The following NMRK1 variants were observed in gnomAD, a reference collection of about 807,000 sequenced individuals.
NMRK1 encodes the protein NRK 1.
Under a neutral mutation model 29.9 loss-of-function variants are expected in NMRK1, and 28 were observed. The observed-to-expected ratio is 0.94, with a 90% CI of 0.69 to 1.28. The LOEUF is 1.28. Ranked by LOEUF, NMRK1 falls within the 50% of genes most tolerant of loss-of-function variation. The pLI is 0.00. For missense variants in NMRK1, 218 were observed against 233.1 expected (o/e 0.94, Z 0.42); for synonymous variants, 58 against 73.0 (o/e 0.79, Z 1.05).
chr9:75,074,390 T>A lies in NMRK1; in HGVS notation c.169+2769A>T, dbSNP rs140588548. Among the ~76,000 whole-genome samples the A allele has an allele frequency of 3.9e-3, 594 of 151,944 alleles. 2 individuals carry two copies. The highest frequency in any genetic ancestry group is 6.8e-3 in the Middle Eastern group (2 of 294). ...TTCTATTTTTCCACCATCTTTTGATTTATTTATTTATTTTTTTGAGACAGT... is the reference window on the plus strand; with the variant it reads ...TTCTATTTTTCCACCATCTTTTGATATATTTATTTATTTTTTTGAGACAGT... On this transcript the variant is annotated intron_variant, in intron 4 of 8. Transcript: ENST00000361092.
intron 7 of NMRK1, chr9:75,067,188 C>T (rs951757339): frequency 5.2e-6 from 1 of 191,288 alleles, no homozygotes; most frequent in African/African-American, 2.4e-5. Context: ...CCAAAAGGGT[C>T]ACTTAAGGAG....
chr9:75,079,964 C>T (rs12115846), intron 2 of NMRK1, among the ~76,000 whole-genome samples: 3,502 of 152,264 alleles, frequency 0.023, 146 homozygotes, highest in African/African-American at 0.079. Flanking sequence ...CTTGGTGCCA[C>T]TCCCTTCTTT....
Position 75,083,101 on chromosome 9 carries a change from G to A in NMRK1, c.15C>T (p.Ile5=), listed in dbSNP as rs538581583. Residue 5 remains isoleucine, a synonymous_variant, in exon 2 of 9, where the codon ATC becomes ATT. Transcript: ENST00000361092. The part of the protein sequence containing the change: MKTF[I]IGISGVTNSG... ...AAATTACTCACCCACTGATTCCAAT[G>A]ATAAATGTTTTCATAATTAGCTTTG... 8.1e-6 allele frequency: 13 copies of A among 1,598,396 alleles called. No homozygotes were observed. The South Asian group carries it at 1.3e-4, about 16-fold the overall frequency.
intron 7 of NMRK1, among the ~76,000 whole-genome samples, chr9:75,068,065 T>G (rs1159037010): frequency 6.6e-6 from 1 of 152,170 alleles, no homozygotes; most frequent in East Asian, 1.9e-4. Flanking sequence ...GAGACATGCA[T>G]TCCTCCCTTA....
At chr9:75,063,880 T>C (rs758591869) in intron 8 of NMRK1, among the ~76,000 whole-genome samples, 6 of 152,326 alleles carry the variant, frequency 3.9e-5, no homozygotes, top group Admixed American at 2.0e-4. Flanking sequence ...AAACAGTAAC[T>C]TATTTATGTA....
At chr9:75,066,495 C>T (rs1265906544) in intron 8 of NMRK1, among the ~76,000 whole-genome samples, 1 of 152,096 alleles carries the variant, frequency 6.6e-6, no homozygotes, top group Non-Finnish European at 1.5e-5. Context: ...CAGCCATCTA[C>T]TAAAAGTTTT....
intron 2 of NMRK1, 61 bp from the exon 3 acceptor site, chr9:75,077,641 T>G: frequency 5.8e-6 from 3 of 520,478 alleles, no homozygotes; most frequent in Non-Finnish European, 7.7e-6. Context: ...ATTAAACACT[T>G]TTTTTTTTTT....
At chr9:75,073,830 G>A (rs1165486639) in intron 4 of NMRK1, among the ~76,000 whole-genome samples, 1 of 152,138 alleles carries the variant, frequency 6.6e-6, no homozygotes, top group African/African-American at 2.4e-5. Flanking sequence ...TTTACTTAAT[G>A]CATTTTAATG....
At chr9:75,064,478 T>C (rs1428600353) in intron 8 of NMRK1, among the ~76,000 whole-genome samples, 2 of 152,188 alleles carry the variant, frequency 1.3e-5, no homozygotes, top group Non-Finnish European at 2.9e-5. Context: ...GTTGGTGCTC[T>C]GAGATTCATT....
At chr9:75,080,901 C>CT (rs956711966) in intron 2 of NMRK1, among the ~76,000 whole-genome samples, 2 of 152,176 alleles carry the variant, frequency 1.3e-5, no homozygotes, top group African/African-American at 4.8e-5. Flanking sequence ...TCCTGAGGCC[C>CT]TCATCAGAAG....
At chr9:75,078,916 T>G (rs907262614) in intron 2 of NMRK1, among the ~76,000 whole-genome samples, 2 of 152,198 alleles carry the variant, frequency 1.3e-5, no homozygotes, top group Non-Finnish European at 2.9e-5. Context: ...ATAACTATAT[T>G]TCAATATAAC....
chr9:75,068,040 T>C (rs1369487262), intron 7 of NMRK1, among the ~76,000 whole-genome samples: 1 of 152,130 alleles, frequency 6.6e-6, no homozygotes, highest in Non-Finnish European at 1.5e-5. Context: ...CACCTCAACC[T>C]CATTATGTGC....
intron 1 of NMRK1, chr9:75,087,567 G>T (rs1288003363): frequency 6.6e-6 from 1 of 151,552 alleles, no homozygotes; most frequent in African/African-American, 2.4e-5. Context: ...TAATTTTCAC[G>T]TGTCACAAAG....
At chr9:75,082,591 T>C (rs1474584525) in intron 2 of NMRK1, 1 of 154,752 alleles carries the variant, frequency 6.5e-6, no homozygotes. Context: ...TAGAACATGT[T>C]TGAGAGAAAG....
At chr9:75,065,421 G>A (rs970635794) in intron 8 of NMRK1, among the ~76,000 whole-genome samples, 1 of 152,040 alleles carries the variant, frequency 6.6e-6, no homozygotes, top group Non-Finnish European at 1.5e-5. Context: ...TGTCTGCCTC[G>A]GCCTCCCAAA....
At chr9:75,086,501 A>G (rs2118292783) in intron 1 of NMRK1, among the ~76,000 whole-genome samples, 1 of 152,306 alleles carries the variant, frequency 6.6e-6, no homozygotes, top group Middle Eastern at 3.4e-3. Flanking sequence ...GACTAATTTT[A>G]TTTTTTACAC....
chr9:75,076,903 T>C (rs1033526176), intron 4 of NMRK1, among the ~76,000 whole-genome samples: 18 of 152,224 alleles, frequency 1.2e-4, no homozygotes, highest in Admixed American at 1.1e-3. Flanking sequence ...CCCAGTGTTT[T>C]CAGTTTTAAA....
intron 8 of NMRK1, among the ~76,000 whole-genome samples, chr9:75,064,128 G>A (rs1823203627): frequency 6.6e-6 from 1 of 152,098 alleles, no homozygotes; most frequent in Non-Finnish European, 1.5e-5. Context: ...AGCTGTTCTT[G>A]GGCTTTGGAA....
chr9:75,078,774 G>T (rs965434178), intron 2 of NMRK1, among the ~76,000 whole-genome samples: 2 of 152,126 alleles, frequency 1.3e-5, no homozygotes, highest in African/African-American at 4.8e-5. Context: ...ATATCTTGAA[G>T]TATCATCGAT....
Sources: allele counts gnomAD v4.1 joint callset (sites outside exome capture counted in the v4.1 genomes callset), GRCh38; gene constraint gnomAD v4.1.1; transcripts MANE v1.5; gene names NCBI Gene and HGNC (gene_info 2026-07-23, HGNC 2026-07-21).